EPM2A: variants seen among roughly 807,000 people sequenced by gnomAD.
EPM2A encodes EPM2A glucan phosphatase, laforin, also known as laforin.
Under a neutral mutation model 26.5 loss-of-function variants are expected in EPM2A, and 21 were observed. The observed-to-expected ratio is 0.79, with a 90% CI of 0.56 to 1.14. EPM2A has a LOEUF of 1.14. Among genes scored for constraint, EPM2A ranks in the 50% most tolerant of loss-of-function variants. The probability of loss-of-function intolerance (pLI) is 0.00; values close to 1 mark genes in which losing one functional copy is unlikely to be tolerated. For synonymous variants in EPM2A, 217 were observed against 177.6 expected (o/e 1.22, Z -1.76); for missense variants, 458 against 440.8 (o/e 1.04, Z -0.35).
chr6:145,474,563 CAA>C (rs887435736), intron 4 of EPM2A, among the ~76,000 whole-genome samples: 4 of 152,026 alleles, frequency 2.6e-5, no homozygotes, highest in African/African-American at 9.7e-5. Flanking sequence ...TAGGCATGGG[CAA>C]AGACTTCATG....
chr6:145,599,829 G>C (rs964827318), intron 2 of EPM2A, among the ~76,000 whole-genome samples: 8 of 152,006 alleles, frequency 5.3e-5, no homozygotes, highest in Middle Eastern at 3.8e-3. Flanking sequence ...ACTATCATCT[G>C]TAAACATTGT....
chr6:145,653,573 C>T (rs1292138555), intron 2 of EPM2A, among the ~76,000 whole-genome samples: 1 of 152,162 alleles, frequency 6.6e-6, no homozygotes, highest in Non-Finnish European at 1.5e-5. Flanking sequence ...ACAAATAGGA[C>T]ATGTGCATAT....
At chr6:145,497,788 A>G (rs999180221), downstream of EPM2A, among the ~76,000 whole-genome samples, 1 of 152,258 alleles carries the variant, frequency 6.6e-6, no homozygotes, top group Non-Finnish European at 1.5e-5. Flanking sequence ...GGGGGAATAG[A>G]TCAGAGACCT....
At chr6:145,726,723 GAA>G (rs1370357151) in intron 1 of EPM2A, among the ~76,000 whole-genome samples, 1 of 151,972 alleles carries the variant, frequency 6.6e-6, no homozygotes, top group Non-Finnish European at 1.5e-5. Flanking sequence ...AATACCTGAT[GAA>G]TACTATTCAA....
chr6:145,651,753 C>A (rs1395944271), intron 2 of EPM2A, among the ~76,000 whole-genome samples: 3 of 152,108 alleles, frequency 2.0e-5, no homozygotes, highest in African/African-American at 7.2e-5. Flanking sequence ...AGATATCCAG[C>A]CCTAGAGACC....
At chr6:145,730,740 A>C (rs1053552862) in intron 1 of EPM2A, among the ~76,000 whole-genome samples, 3 of 152,222 alleles carry the variant, frequency 2.0e-5, no homozygotes, top group Non-Finnish European at 4.4e-5. Context: ...CCAATCCAGC[A>C]TAGTTAATGT....
At chr6:145,470,420 T>C (rs1398399421) in intron 4 of EPM2A, among the ~76,000 whole-genome samples, 1 of 152,146 alleles carries the variant, frequency 6.6e-6, no homozygotes, top group African/African-American at 2.4e-5. Flanking sequence ...GCCATTCTAG[T>C]ATTATGTAGG....
chr6:145,500,395 C>T (rs530859617), downstream of EPM2A, among the ~76,000 whole-genome samples: 43 of 152,274 alleles, frequency 2.8e-4, no homozygotes, highest in South Asian at 8.1e-3. Flanking sequence ...GAAGTAGTAC[C>T]TTCAGCCTCA....
Position 145,627,590 on chromosome 6 carries a change from G to C in EPM2A, c.822C>G (p.Thr274=). The C allele has an allele frequency of 6.2e-7, 1 of 1,614,226 alleles. No individual in the cohort carries two copies. Among genetic ancestry groups the C allele is most frequent in the Non-Finnish European group, 8.5e-7 (1 of 1,180,038 alleles). Residue 274 remains threonine, a synonymous_variant, in exon 4 of 4, where the codon ACC becomes ACG. Coordinates refer to ENST00000367519, the MANE Select transcript of EPM2A (RefSeq NM_005670.4). ...VHCNAGVGRS[T]AAVCGWLQYV... Reference sequence around the variant, plus strand: ...ACTGGAGCCAGCCGCAGACAGCCGCGGTGGAGCGGCCCACCCCAGCGTTGC... The same window carrying C: ...ACTGGAGCCAGCCGCAGACAGCCGCCGTGGAGCGGCCCACCCCAGCGTTGC...
intron 2 of EPM2A, among the ~76,000 whole-genome samples, chr6:145,518,595 C>CAAAA (rs55802475): frequency 1.4e-4 from 14 of 102,666 alleles, no homozygotes; most frequent in Non-Finnish European, 1.4e-4. Context: ...TGAAATGCAC[C>CAAAA]AAAAAAAAAA....
At chr6:145,503,186 C>G (rs890115602) in intron 2 of EPM2A, among the ~76,000 whole-genome samples, 1 of 152,238 alleles carries the variant, frequency 6.6e-6, no homozygotes, top group South Asian at 2.1e-4. Flanking sequence ...GGGCTCTTTT[C>G]AGGTCTATTT....
chr6:145,553,682 T>C (rs1028797701), intron 2 of EPM2A, among the ~76,000 whole-genome samples: 2 of 151,918 alleles, frequency 1.3e-5, no homozygotes, highest in African/African-American at 4.8e-5. Context: ...CTTTATCCCA[T>C]ATGGAAAATG....
rs1775793621 is a variant in EPM2A, at chr6:145,626,120, A to C, written c.*1296T>G. The C allele has an allele frequency of 1.9e-6, 2 of 1,030,464 alleles. No individual in the cohort carries two copies. The highest frequency in any genetic ancestry group is 1.7e-5 in the African/African-American group (1 of 58,870). The allele number at this position is 1,030,464 out of a possible 1,614,324, so 63.8% of individuals were successfully genotyped here. ...ATCACCTTGCACATAGAGGCTCTCAATTAAAAAAACACTTCTCTTTCTTCT... is the reference window on the plus strand; with the variant it reads ...ATCACCTTGCACATAGAGGCTCTCACTTAAAAAAACACTTCTCTTTCTTCT... On this transcript the variant is annotated 3_prime_UTR_variant, in exon 4 of 4. Transcript: ENST00000367519.
chr6:145,469,307 A>T (rs1280940833), intron 4 of EPM2A, among the ~76,000 whole-genome samples: 1 of 152,162 alleles, frequency 6.6e-6, no homozygotes, highest in African/African-American at 2.4e-5. Context: ...CTCCCTTGAC[A>T]TGTGAGCATT....
At chr6:145,435,701 C>T (rs1462978565) in intron 4 of EPM2A, among the ~76,000 whole-genome samples, 1 of 151,640 alleles carries the variant, frequency 6.6e-6, no homozygotes, top group East Asian at 1.9e-4. Flanking sequence ...TACTAATATA[C>T]TTCTATTTTA....
At chr6:145,591,956 C>T (rs934567635) in intron 2 of EPM2A, among the ~76,000 whole-genome samples, 15 of 151,754 alleles carry the variant, frequency 9.9e-5, no homozygotes, top group Non-Finnish European at 1.9e-4. Flanking sequence ...ACACCTGAGA[C>T]TGTATAATGT....
rs145052340 is a variant in EPM2A at position 145,690,521 on chromosome 6, GAAAAAAAAAAA to G, written c.302-4236_302-4226del. On this transcript the variant is annotated intron_variant, in intron 1 of 3. Coordinates refer to ENST00000367519, the MANE Select transcript of EPM2A (RefSeq NM_005670.4). ...GACAGAGCGAGACTCCGTCTCAAAA[GAAAAAAAAAAA>G]AAAAAAAAAAAGAGCTAACCTCATT... is the stretch of plus-strand genomic sequence containing the variant. Among the ~76,000 whole-genome samples, 7 of 87,010 alleles carry G rather than the reference GAAAAAAAAAAA, an allele frequency of 8.0e-5. No homozygotes were observed. In the South Asian group the frequency reaches 1.2e-3, roughly 15 times the overall value. The allele number at this position is 87,010 out of a possible 152,430, so 57.1% of individuals were successfully genotyped here. A position where few individuals can be genotyped will look rare whatever the true frequency, so the allele number is the denominator to read the frequency against.
chr6:145,724,145 G>A (rs916669438), intron 1 of EPM2A, among the ~76,000 whole-genome samples: 12 of 151,944 alleles, frequency 7.9e-5, no homozygotes. Context: ...ACCTTCAAGA[G>A]GAACCTTACA....
At chr6:145,655,781 A>G (rs542122326) in intron 2 of EPM2A, among the ~76,000 whole-genome samples, 1 of 152,186 alleles carries the variant, frequency 6.6e-6, no homozygotes, top group Admixed American at 6.5e-5. Flanking sequence ...CGGAAAAAAA[A>G]GGGAACATAA....
Sources: allele counts gnomAD v4.1 joint callset (sites outside exome capture counted in the v4.1 genomes callset), GRCh38; gene constraint gnomAD v4.1.1; transcripts MANE v1.5; gene names NCBI Gene and HGNC (gene_info 2026-07-23, HGNC 2026-07-21).